The following CDH23 variants were observed in gnomAD, a reference collection of about 807,000 sequenced individuals.
The protein encoded by CDH23 is cadherin related 23, also known as cadherin-23.
CDH23 carries 189 observed loss-of-function variants against 317.1 expected under a neutral mutation model. That is an observed-to-expected ratio of 0.60 (90% confidence interval 0.53 to 0.67). The LOEUF (loss-of-function observed/expected upper bound fraction) is 0.67. CDH23 is among the 30% of genes least tolerant of loss of function. The probability of loss-of-function intolerance (pLI) is 0.00; values close to 1 mark genes in which losing one functional copy is unlikely to be tolerated. For missense variants in CDH23, 4,401 were observed against 4,592.4 expected, an observed-to-expected ratio of 0.96 and a Z score of 1.20; for synonymous variants, 1,839 against 1,876.8, an observed-to-expected ratio of 0.98 and a Z score of 0.52.
chr10:71,438,347 C>CAAAAAAAGAAAAAAAAAAA (rs1849713371), intron 1 of CDH23, among the ~76,000 whole-genome samples: 1 of 98,360 alleles, frequency 1.0e-5, no homozygotes, highest in African/African-American at 3.4e-5. Flanking sequence ...CTGTCTCAAA[C>CAAAAAAAGAAAAAAAAAAA]AAAAAAAAAA....
At chr10:71,672,330 C>T (rs1331326913) in intron 14 of CDH23, among the ~76,000 whole-genome samples, 5 of 152,206 alleles carry the variant, frequency 3.3e-5, no homozygotes, top group Admixed American at 6.5e-5. Context: ...ACAGATCTAC[C>T]GCCTCCTCCC....
At chr10:71,794,139 T>G (rs1847036341) in intron 48 of CDH23, among the ~76,000 whole-genome samples, 1 of 152,086 alleles carries the variant, frequency 6.6e-6, no homozygotes, top group African/African-American at 2.4e-5. Flanking sequence ...GTAGCTGAGA[T>G]TACAGACATG....
chr10:71,746,977 C>G (rs1002712391), intron 38 of CDH23, among the ~76,000 whole-genome samples: 14 of 152,208 alleles, frequency 9.2e-5, no homozygotes, highest in African/African-American at 2.9e-4. Flanking sequence ...TTGGACCCTG[C>G]TATTGTGAAC....
chr10:71,609,142 AG>A (rs1327390559), intron 9 of CDH23, among the ~76,000 whole-genome samples: 2 of 151,920 alleles, frequency 1.3e-5, no homozygotes, highest in African/African-American at 2.4e-5. Context: ...GGGGGCGTGA[AG>A]GGGGGTAGCC....
At position 71,738,650 on chromosome 10, in the gene CDH23, G is replaced by A. The variant is rs1174741958; in HGVS notation, c.4359+3G>A. On this transcript the variant is annotated splice_donor_region_variant and intron_variant, in intron 35 of 69. Coordinates refer to ENST00000224721, the MANE Select transcript of CDH23 (RefSeq NM_022124.6). ...CTGATGCTGGCAGCAATGGGCAGGT[G>A]GGCCACCGAGTGAAACAGCCAGGAT... 2 of 1,612,156 alleles carry A rather than the reference G, an allele frequency of 1.2e-6. No individual in the cohort carries two copies. The highest frequency in any genetic ancestry group is 1.7e-6 in the Non-Finnish European group (2 of 1,179,246).
rs1020492216 is a variant in CDH23, at chr10:71,458,970, G to T, written c.145+12575G>T. Among the ~76,000 whole-genome samples, 8 of 151,618 alleles carry T rather than the reference G, an allele frequency of 5.3e-5. No individual in the cohort carries two copies. The South Asian group carries it at 1.0e-3, about 20-fold the overall frequency. ...GCCCAGCTAATTTTTTGTATTTTTA[G>T]TAGAGGCGGGGTTTCACCGTGTTAG... On this transcript the variant is annotated intron_variant, in intron 3 of 69. Coordinates refer to ENST00000224721, the MANE Select transcript of CDH23 (RefSeq NM_022124.6).
chr10:71,636,218 G>A (rs1862266730), intron 11 of CDH23, among the ~76,000 whole-genome samples: 2 of 152,080 alleles, frequency 1.3e-5, no homozygotes, highest in Non-Finnish European at 1.5e-5. Flanking sequence ...GTCATGGAAA[G>A]CAGTTGGAAG....
chr10:71,799,390 G>T, intron 51 of CDH23, 102 bp from the exon 52 acceptor site: 1 of 1,603,600 alleles, frequency 6.2e-7, no homozygotes, highest in East Asian at 2.2e-5. Context: ...GGAGTGCCCA[G>T]CCCACGAGCA....
intron 14 of CDH23, among the ~76,000 whole-genome samples, chr10:71,662,602 CTCA>C (rs1391862057): frequency 1.3e-5 from 2 of 152,192 alleles, no homozygotes; most frequent in Non-Finnish European, 2.9e-5. Flanking sequence ...ATCTCCTTGG[CTCA>C]TAATGTCCCA....
At chr10:71,725,346 T>TC in intron 29 of CDH23, 26 bp from the exon 30 acceptor site, 1 of 1,614,008 alleles carries the variant, frequency 6.2e-7, no homozygotes, top group Non-Finnish European at 8.5e-7. Context: ...GGGCCGGTGT[T>TC]CCAGGGGGTC....
rs894521631 is a variant in CDH23 at position 71,812,572 on chromosome 10, A to T, written c.9473A>T (p.Glu3158Val). 26 of 1,613,888 alleles carry T rather than the reference A, an allele frequency of 1.6e-5. No homozygotes were observed. The highest frequency in any genetic ancestry group is 2.2e-5 in the Non-Finnish European group (26 of 1,179,880). ...GATGACCTACCGGAGAACCTGAGTG[A>T]GATCGCCGACCTGTGGAACAGCCCC... is the stretch of plus-strand genomic sequence containing the variant. Reference protein sequence around the residue: ...HEDDLPENLSEIADLWNSPTR... With the variant: ...HEDDLPENLSVIADLWNSPTR... The change falls in exon 67 of 70, where the codon GAG becomes GTG. Residue 3158 changes from glutamate to valine, a missense_variant. This residue lies in a region of CDH23 where 1,144 missense variants were observed against 1,138.2 expected (regional missense o/e 1.01). Transcript: ENST00000224721.
intron 11 of CDH23, among the ~76,000 whole-genome samples, chr10:71,630,816 G>A (rs959534407): frequency 6.6e-6 from 1 of 152,162 alleles, no homozygotes; most frequent in Non-Finnish European, 1.5e-5. Context: ...AGCTACTGGC[G>A]TGGCCTCAGC....
intron 33 of CDH23, 145 bp downstream of exon 33, chr10:71,734,486 C>A: frequency 6.5e-7 from 1 of 1,532,474 alleles, no homozygotes; most frequent in South Asian, 1.2e-5. Flanking sequence ...CCATGTCCAG[C>A]CATGCCACAC....
rs143443776 is a variant in CDH23 at position 71,769,010 on chromosome 10, G to T, written c.4846-8670G>T. On this transcript the variant is annotated intron_variant, in intron 38 of 69. Transcript: ENST00000224721. ...TCTCTAGAGAATAGAGGTAGCTGGG[G>T]ACTGACTGGAGGCCCCACCTCCTTC... Among the ~76,000 whole-genome samples the T allele has an allele frequency of 3.0e-3, 461 of 152,312 alleles. 3 individuals carry two copies. Among genetic ancestry groups the T allele is most frequent in the African/African-American group, 0.01 (435 of 41,562 alleles).
intron 8 of CDH23, among the ~76,000 whole-genome samples, chr10:71,577,147 T>A (rs566217126): frequency 6.6e-6 from 1 of 152,342 alleles, no homozygotes; most frequent in South Asian, 2.1e-4. Context: ...TTCGCACTCC[T>A]AATATGCGTA....
intron 3 of CDH23, among the ~76,000 whole-genome samples, chr10:71,495,315 T>G (rs561630840): frequency 1.3e-5 from 2 of 152,192 alleles, no homozygotes; most frequent in South Asian, 4.2e-4. Flanking sequence ...TTTTCTGACC[T>G]CCTTCGCGGC....
Position 71,715,754 on chromosome 10 carries a change from C to T in CDH23, c.3369+2941C>T, listed in dbSNP as rs552300686. 15 of 518,672 alleles carry T rather than the reference C, an allele frequency of 2.9e-5. No individual in the cohort carries two copies. In the East Asian group the frequency reaches 4.8e-4, roughly 17 times the overall value. 32.1% of individuals were successfully genotyped at this position (518,672 alleles called of 1,614,324 possible). A position where few individuals can be genotyped will look rare whatever the true frequency, so the allele number is the denominator to read the frequency against. The stretch of plus-strand genomic sequence containing the variant: ...GGGGGTCTGCAGAGAGGAAGGTGCT[C>T]TTCTGAGGATCATCTTTGGGAAAGG... On this transcript the variant is annotated intron_variant, in intron 28 of 69. Transcript: ENST00000224721.
rs370773983 is a variant in CDH23 at position 71,702,656 on chromosome 10, G to A, written c.2695G>A (p.Val899Met). Residue 899 changes from valine (V) to methionine (M), a missense_variant, in exon 24 of 70, where the codon GTG becomes ATG. This residue lies in a region of CDH23 where 3,068 missense variants were observed against 3,203.3 expected (regional missense o/e 0.96). Coordinates refer to ENST00000224721, the MANE Select transcript of CDH23 (RefSeq NM_022124.6). ...TFQNLPFVAE[V>M]LEGIPAGVSI... is the part of the protein sequence containing the mutation. ...TCAGAACCTGCCTTTTGTGGCCGAG[G>A]TGCTTGAAGGCATCCCGGCGGGGGT... The A allele has an allele frequency of 3.1e-6, 5 of 1,613,784 alleles. No individual in the cohort carries two copies. The highest frequency in any genetic ancestry group is 2.2e-5 in the East Asian group (1 of 44,894).
chr10:71,568,952 A>T (rs1857584001), intron 7 of CDH23, among the ~76,000 whole-genome samples: 1 of 152,234 alleles, frequency 6.6e-6, no homozygotes, highest in Non-Finnish European at 1.5e-5. Context: ...GCCAGGCTAG[A>T]CAAAAGCCAG....
Sources: allele counts gnomAD v4.1 joint callset (sites outside exome capture counted in the v4.1 genomes callset), GRCh38; gene constraint gnomAD v4.1.1; regional missense constraint gnomAD v4.1.1; transcripts MANE v1.5; gene names NCBI Gene and HGNC (gene_info 2026-07-23, HGNC 2026-07-21).